Variants in LARS2 observed in about 807,000 individuals in gnomAD.
LARS2 encodes the protein leucyl-tRNA synthetase 2, mitochondrial.
LARS2 carries 81 observed loss-of-function variants against 116.6 expected under a neutral mutation model. The observed-to-expected ratio is 0.69, with a 90% confidence interval of 0.58 to 0.84. The LOEUF (loss-of-function observed/expected upper bound fraction) is 0.84. Ranked by LOEUF, LARS2 falls within the 40% of genes least tolerant of loss-of-function variation. The probability of loss-of-function intolerance (pLI) is 0.00; values close to 1 mark genes in which losing one functional copy is unlikely to be tolerated. For synonymous variants in LARS2, 396 were observed against 407.2 expected (o/e 0.97, Z 0.33); for missense variants, 968 against 1,114.5 (o/e 0.87, Z 1.87).
rs1700398799 is a variant in LARS2, at chr3:45,518,050, A to G, written c.2192A>G (p.Tyr731Cys). 6.2e-7 allele frequency: 1 copy of G among 1,613,050 alleles called. No homozygotes were observed. Among genetic ancestry groups the G allele is most frequent in the South Asian group, 1.1e-5 (1 of 91,020 alleles). ...GCTGAGGCCAGGAAGCTCTGGGAGT[A>G]CAAGAACTCCGTCATCTCTCAGGTC... ...EKAEARKLWE[Y>C]KNSVISQVTT... The change falls in exon 18 of 22, where the codon TAC becomes TGC. Residue 731 changes from tyrosine (Y) to cysteine (C), a missense_variant. Tyr to Cys is a radical substitution (Grantham distance 194, BLOSUM62 -2). Transcript: ENST00000645846.
chr3:45,439,534 A>T (rs1438252439), intron 6 of LARS2, among the ~76,000 whole-genome samples: 2 of 151,866 alleles, frequency 1.3e-5, no homozygotes, highest in Non-Finnish European at 2.9e-5. Flanking sequence ...TGGCATTTTT[A>T]AACAGCTGGC....
At position 45,400,445 on chromosome 3, in the gene LARS2, A is replaced by G; in HGVS notation, c.363+72A>G. On this transcript the variant is annotated intron_variant, in intron 4 of 21. Transcript: ENST00000645846. ...GGTTGGCATGTAGTAATATGTGTTC[A>G]AGACAAATGAAGAAAACCAACTTTA... 4.9e-6 allele frequency: 7 copies of G among 1,432,886 alleles called. No homozygotes were observed. In the South Asian group the frequency reaches 1.1e-4, roughly 23 times the overall value. The allele number at this position is 1,432,886 out of a possible 1,614,324, so 88.8% of individuals were successfully genotyped here.
At chr3:45,486,251 G>C (rs1699812089) in intron 11 of LARS2, among the ~76,000 whole-genome samples, 1 of 152,170 alleles carries the variant, frequency 6.6e-6, no homozygotes, top group Non-Finnish European at 1.5e-5. Context: ...GCTGGGTTTT[G>C]GTGAAGGCTT....
intron 13 of LARS2, among the ~76,000 whole-genome samples, chr3:45,493,246 C>T (rs1016925025): frequency 6.6e-6 from 1 of 152,114 alleles, no homozygotes; most frequent in Non-Finnish European, 1.5e-5. Flanking sequence ...ACTACAGGTG[C>T]CCGCCACCAA....
At chr3:45,477,918 C>T (rs1559481750) in intron 10 of LARS2, among the ~76,000 whole-genome samples, 3 of 151,996 alleles carry the variant, frequency 2.0e-5, no homozygotes, top group Admixed American at 1.3e-4. Flanking sequence ...CCATTAAAGC[C>T]GGATTCAAAT....
At chr3:45,476,205 G>A (rs999450699) in intron 9 of LARS2, among the ~76,000 whole-genome samples, 7 of 152,152 alleles carry the variant, frequency 4.6e-5, no homozygotes, top group African/African-American at 1.7e-4. Flanking sequence ...ATCTTTCTGA[G>A]CATTCTTGGA....
intron 9 of LARS2, among the ~76,000 whole-genome samples, 195 bp downstream of exon 9, chr3:45,474,545 A>T (rs1302819900): frequency 1.3e-5 from 2 of 152,232 alleles, no homozygotes; most frequent in Non-Finnish European, 2.9e-5. Flanking sequence ...TATTTTATTT[A>T]ACCCATTACA....
intron 15 of LARS2, among the ~76,000 whole-genome samples, chr3:45,502,169 T>A (rs1214145966): frequency 6.6e-6 from 1 of 152,100 alleles, no homozygotes; most frequent in Non-Finnish European, 1.5e-5. Flanking sequence ...AAGTTTATCA[T>A]GTTTCATAGG....
intron 8 of LARS2, among the ~76,000 whole-genome samples, chr3:45,473,759 T>G (rs1208576061): frequency 6.6e-6 from 1 of 151,506 alleles, no homozygotes; most frequent in South Asian, 2.1e-4. Context: ...TTTATACAAA[T>G]TAATGTCATG....
intron 10 of LARS2, among the ~76,000 whole-genome samples, chr3:45,482,476 A>G (rs1699718911): frequency 6.6e-6 from 1 of 152,216 alleles, no homozygotes; most frequent in African/African-American, 2.4e-5. Context: ...AGAGTGCCAT[A>G]TCCAATGATG....
intron 19 of LARS2, among the ~76,000 whole-genome samples, chr3:45,522,968 C>T (rs1434921921): frequency 3.3e-5 from 5 of 152,088 alleles, no homozygotes; most frequent in Admixed American, 3.3e-4. Flanking sequence ...GAAAATGTTA[C>T]ATGTGTAATA....
intron 4 of LARS2, among the ~76,000 whole-genome samples, chr3:45,417,086 AC>A (rs1698435634): frequency 2.2e-5 from 2 of 90,596 alleles, no homozygotes; most frequent in Non-Finnish European, 3.1e-5. Context: ...AAAAAAAAAA[AC>A]AAAAAAAAAA....
chr3:45,533,383 G>A (rs180855642), intron 20 of LARS2, among the ~76,000 whole-genome samples: 3 of 151,950 alleles, frequency 2.0e-5, no homozygotes, highest in East Asian at 1.9e-4. Context: ...ATCTGACTTC[G>A]TGATCCGCCC....
chr3:45,474,177 A>T, intron 8 of LARS2, 66 bp from the exon 9 acceptor site: 1 of 1,005,968 alleles, frequency 9.9e-7, no homozygotes, highest in Non-Finnish European at 1.5e-6. Context: ...ACAAGCTGCA[A>T]ATCATTTGCT....
chr3:45,436,014 T>G (rs1052252236), intron 6 of LARS2, among the ~76,000 whole-genome samples: 2 of 152,192 alleles, frequency 1.3e-5, no homozygotes, highest in African/African-American at 4.8e-5. Flanking sequence ...CAAAATGATT[T>G]TCTATGATTT....
chr3:45,461,308 G>A (rs576401299), intron 8 of LARS2, among the ~76,000 whole-genome samples: 139 of 152,078 alleles, frequency 9.1e-4, no homozygotes, highest in Non-Finnish European at 1.5e-3. Context: ...GTAAGGGTTA[G>A]GTAGACATGA....
chr3:45,462,234 T>A (rs1344469870), intron 8 of LARS2, among the ~76,000 whole-genome samples: 1 of 152,044 alleles, frequency 6.6e-6, no homozygotes, highest in Non-Finnish European at 1.5e-5. Flanking sequence ...TTTCTTCCTG[T>A]CACCTTAAGG....
At chr3:45,455,433 G>A (rs181277914) in intron 7 of LARS2, among the ~76,000 whole-genome samples, 46 of 152,116 alleles carry the variant, frequency 3.0e-4, no homozygotes, top group African/African-American at 1.0e-3. Context: ...TGTCTGGAGT[G>A]GGGAGATGCC....
intron 15 of LARS2, among the ~76,000 whole-genome samples, chr3:45,508,362 G>A (rs1428312291): frequency 6.6e-6 from 1 of 152,026 alleles, no homozygotes; most frequent in Non-Finnish European, 1.5e-5. Flanking sequence ...CTTTACTTGG[G>A]TCCTGCTGTA....
Sources: allele counts gnomAD v4.1 joint callset (sites outside exome capture counted in the v4.1 genomes callset), GRCh38; gene constraint gnomAD v4.1.1; transcripts MANE v1.5; gene names NCBI Gene and HGNC (gene_info 2026-07-23, HGNC 2026-07-21).